Variants in TBL1XR1 observed in about 807,000 individuals in gnomAD.
The protein encoded by TBL1XR1 is F-box-like/WD repeat-containing protein TBL1XR1.
TBL1XR1 carries 5 observed loss-of-function variants against 66.9 expected under a neutral mutation model. The observed-to-expected ratio is 0.07, with a 90% CI of 0.04 to 0.16. The LOEUF is 0.16. TBL1XR1 is among the 10% of genes least tolerant of loss of function. The pLI is 1.00. For missense variants in TBL1XR1, 238 were observed against 623.2 expected (o/e 0.38, Z 6.58); for synonymous variants, 210 against 206.0 (o/e 1.02, Z -0.17).
intron 10 of TBL1XR1, among the ~76,000 whole-genome samples, chr3:177,045,404 T>C (rs1335211372): frequency 6.6e-6 from 1 of 152,124 alleles, no homozygotes; most frequent in East Asian, 1.9e-4. Context: ...GCAAAGGTTC[T>C]AGGCTTAAAC....
chr3:177,122,001 T>C (rs1560199560), intron 1 of TBL1XR1, among the ~76,000 whole-genome samples: 1 of 152,140 alleles, frequency 6.6e-6, no homozygotes, highest in Non-Finnish European at 1.5e-5. Context: ...TAAATACATT[T>C]AGGATGATCC....
At chr3:177,036,952 A>T (rs1714875939) in intron 12 of TBL1XR1, among the ~76,000 whole-genome samples, 1 of 152,200 alleles carries the variant, frequency 6.6e-6, no homozygotes, top group Non-Finnish European at 1.5e-5. Flanking sequence ...AATAAGTATT[A>T]CGTTGTTCTT....
intron 2 of TBL1XR1, among the ~76,000 whole-genome samples, chr3:177,081,787 C>T (rs1273193801): frequency 6.6e-6 from 1 of 150,488 alleles, no homozygotes; most frequent in African/African-American, 2.4e-5. Flanking sequence ...AATACAACTA[C>T]TAATTATAAG....
rs1417961633 is a variant in TBL1XR1 at position 177,187,999 on chromosome 3, G to GAA, written c.-122+9120_-122+9121dup. ...GAGTCTCGCTCTATTGCCCAGGCAG[G>GAA]AATACAGTGGCACGATCTCAGCTCA... On this transcript the variant is annotated intron_variant, in intron 1 of 15. Coordinates refer to ENST00000457928, the MANE Select transcript of TBL1XR1 (RefSeq NM_024665.7). Among the ~76,000 whole-genome samples, 3 of 143,068 alleles carry GAA rather than the reference G, an allele frequency of 2.1e-5. No homozygotes were observed. In the Admixed American group the frequency reaches 2.1e-4, roughly 10 times the overall value. 93.9% of individuals were successfully genotyped at this position (143,068 alleles called of 152,430 possible).
Position 177,054,073 on chromosome 3 carries a change from T to TGTGTGTGC in TBL1XR1, c.59-156_59-155insGCACACAC, listed in dbSNP as rs145838308. 5.4e-3 allele frequency among the ~76,000 whole-genome samples: 680 copies of TGTGTGTGC among 124,896 alleles called. 5 individuals carry two copies. Among genetic ancestry groups the TGTGTGTGC allele is most frequent in the African/African-American group, 0.018 (618 of 34,240 alleles). The allele number at this position is 124,896 out of a possible 152,430, so 81.9% of individuals were successfully genotyped here. ...GTGTGTGTGTGTGTGTGTGTGTGTGTGCGCGCGCGTGTGTGTGCATGTAAA... is the reference window on the plus strand; with the variant it reads ...GTGTGTGTGTGTGTGTGTGTGTGTGTGTGTGTGCGCGCGCGCGTGTGTGTGCATGTAAA... On this transcript the variant is annotated intron_variant, in intron 3 of 15. Coordinates refer to ENST00000457928, the MANE Select transcript of TBL1XR1 (RefSeq NM_024665.7).
At chr3:177,133,450 G>A (rs987026579) in intron 1 of TBL1XR1, among the ~76,000 whole-genome samples, 7 of 152,056 alleles carry the variant, frequency 4.6e-5, no homozygotes, top group African/African-American at 1.7e-4. Context: ...TTTTACACCA[G>A]GTGTGTGCCC....
chr3:177,044,300 T>C (rs1166029769), intron 10 of TBL1XR1, among the ~76,000 whole-genome samples: 2 of 152,198 alleles, frequency 1.3e-5, no homozygotes. Flanking sequence ...ACCAACCCCC[T>C]GTGCAGTTGG....
At chr3:177,059,486 T>C (rs573990557) in intron 3 of TBL1XR1, among the ~76,000 whole-genome samples, 2 of 152,338 alleles carry the variant, frequency 1.3e-5, no homozygotes, top group Non-Finnish European at 2.9e-5. Flanking sequence ...TATATGGTTC[T>C]GACTTGTGAT....
At chr3:177,030,668 A>T (rs1713853265) in intron 14 of TBL1XR1, among the ~76,000 whole-genome samples, 1 of 152,262 alleles carries the variant, frequency 6.6e-6, no homozygotes, top group Non-Finnish European at 1.5e-5. Context: ...AGCAGTAGAT[A>T]TATGAGTGTT....
chr3:177,101,502 A>T (rs1206758288), intron 1 of TBL1XR1, among the ~76,000 whole-genome samples: 1 of 152,206 alleles, frequency 6.6e-6, no homozygotes, highest in Non-Finnish European at 1.5e-5. Flanking sequence ...ATTAGTATTA[A>T]GATAAAGTCA....
intron 1 of TBL1XR1, among the ~76,000 whole-genome samples, chr3:177,172,688 G>C (rs1364340828): frequency 7.1e-6 from 1 of 141,196 alleles, no homozygotes; most frequent in Admixed American, 7.0e-5. Context: ...GAGGGGAGAG[G>C]GGAGGGGAGG....
At chr3:177,145,270 T>C (rs1252465583) in intron 1 of TBL1XR1, among the ~76,000 whole-genome samples, 3 of 152,244 alleles carry the variant, frequency 2.0e-5, no homozygotes, top group Non-Finnish European at 2.9e-5. Context: ...AAAGTTTTAA[T>C]TGAACAGAAA....
At chr3:177,196,804 C>A (rs1191839184) in intron 1 of TBL1XR1, among the ~76,000 whole-genome samples, 3 of 151,554 alleles carry the variant, frequency 2.0e-5, no homozygotes, top group Non-Finnish European at 4.4e-5. Flanking sequence ...GGGAGAAGGC[C>A]GAGGTGCACA....
At chr3:177,090,932 T>C (rs145260744) in intron 2 of TBL1XR1, among the ~76,000 whole-genome samples, 53 of 151,992 alleles carry the variant, frequency 3.5e-4, no homozygotes, top group African/African-American at 1.2e-3. Flanking sequence ...GGGGCTGCAG[T>C]GAATCATGAT....
intron 2 of TBL1XR1, among the ~76,000 whole-genome samples, chr3:177,069,774 A>G (rs963490279): frequency 3.2e-5 from 3 of 94,780 alleles, no homozygotes; most frequent in African/African-American, 4.9e-5. Context: ...GAAAGGAAGG[A>G]AAGGAAGGAA....
intron 1 of TBL1XR1, among the ~76,000 whole-genome samples, chr3:177,186,293 A>G (rs991467755): frequency 2.6e-5 from 4 of 152,236 alleles, no homozygotes; most frequent in Non-Finnish European, 5.9e-5. Flanking sequence ...AATCTTAAGC[A>G]TGTATATTAC....
chr3:177,107,652 T>C (rs950736078), intron 1 of TBL1XR1, among the ~76,000 whole-genome samples: 1 of 152,160 alleles, frequency 6.6e-6, no homozygotes, highest in African/African-American at 2.4e-5. Flanking sequence ...GCCTGACCCA[T>C]TCAAGGAGCC....
chr3:177,084,133 C>G (rs550127934), intron 2 of TBL1XR1, among the ~76,000 whole-genome samples: 8 of 150,162 alleles, frequency 5.3e-5, no homozygotes, highest in Admixed American at 2.0e-4. Flanking sequence ...AAAACTTACA[C>G]AAAATACAAC....
At chr3:177,059,528 T>A (rs1263526042) in intron 3 of TBL1XR1, among the ~76,000 whole-genome samples, 1 of 152,036 alleles carries the variant, frequency 6.6e-6, no homozygotes, top group African/African-American at 2.4e-5. Flanking sequence ...GTAATAATCA[T>A]CTCAAAAAAC....
Sources: allele counts gnomAD v4.1 joint callset (sites outside exome capture counted in the v4.1 genomes callset), GRCh38; gene constraint gnomAD v4.1.1; transcripts MANE v1.5; gene names NCBI Gene and HGNC (gene_info 2026-07-23, HGNC 2026-07-21).